EPHB2: variants seen among roughly 807,000 people sequenced by gnomAD.
EPHB2 encodes the protein ephrin type-B receptor 2.
A neutral mutation model predicts 96.4 loss-of-function variants in EPHB2; 18 were observed. That is an observed-to-expected ratio of 0.19 (90% CI 0.13 to 0.28). The LOEUF (loss-of-function observed/expected upper bound fraction) is 0.28, where lower values mean the gene tolerates loss of function less well. Among genes scored for constraint, EPHB2 ranks in the 10% least tolerant of loss-of-function variants. EPHB2 has a pLI of 1.00. For missense variants in EPHB2, 989 were observed against 1,355.4 expected (o/e 0.73, Z 4.25); for synonymous variants, 506 against 534.1 (o/e 0.95, Z 0.72).
At chr1:22,723,871 G>A (rs755762703) in intron 1 of EPHB2, among the ~76,000 whole-genome samples, 1 of 152,194 alleles carries the variant, frequency 6.6e-6, no homozygotes, top group Non-Finnish European at 1.5e-5. Flanking sequence ...AATAATAATA[G>A]TAGTAATAAT....
Position 22,875,955 on chromosome 1 carries a change from G to A in EPHB2, c.1304-6404G>A, listed in dbSNP as rs1638823551. Among the ~76,000 whole-genome samples the A allele has an allele frequency of 6.6e-6, 1 of 152,160 alleles. No individual in the cohort carries two copies. The highest frequency in any genetic ancestry group is 1.5e-5 in the Non-Finnish European group (1 of 68,036). ...AGAAACACCATAGGGCCAAGGCCCTGAGGCAGAACAGAAAGGCTGCCAGTG... is the reference window on the plus strand; with the variant it reads ...AGAAACACCATAGGGCCAAGGCCCTAAGGCAGAACAGAAAGGCTGCCAGTG... On this transcript the variant is annotated intron_variant, in intron 5 of 15. Coordinates refer to ENST00000374630, the MANE Select transcript of EPHB2 (RefSeq NM_017449.5). The surrounding 1 kb of genome is among the most constrained non-coding windows in gnomAD (Gnocchi z 4.2).
chr1:22,867,859 G>A (rs1024041234), intron 5 of EPHB2, among the ~76,000 whole-genome samples: 1 of 152,162 alleles, frequency 6.6e-6, no homozygotes, highest in Non-Finnish European at 1.5e-5. Context: ...ATGACAAAGC[G>A]AGATTCCATC....
intron 1 of EPHB2, among the ~76,000 whole-genome samples, chr1:22,717,209 GGAAA>G (rs142584654): frequency 0.011 from 1,743 of 152,136 alleles, 37 homozygotes; most frequent in African/African-American, 0.039. Flanking sequence ...AGGCAGGGAA[GGAAA>G]GAATGTTTGC....
At chr1:22,829,462 T>C (rs1336648111) in intron 3 of EPHB2, among the ~76,000 whole-genome samples, 1 of 152,194 alleles carries the variant, frequency 6.6e-6, no homozygotes, top group Non-Finnish European at 1.5e-5. Context: ...TGTAAGACCA[T>C]GGGTGCGTGG....
At chr1:22,892,690 C>G in intron 6 of EPHB2, 194 bp from the exon 7 acceptor site, 2 of 769,052 alleles carry the variant, frequency 2.6e-6, no homozygotes, top group Admixed American at 3.6e-5. Flanking sequence ...TATACTCTGC[C>G]TACCTTTGTG....
At chr1:22,904,284 A>G (rs1222869232) in intron 9 of EPHB2, among the ~76,000 whole-genome samples, 1 of 127,412 alleles carries the variant, frequency 7.8e-6, no homozygotes, top group Non-Finnish European at 1.6e-5. Flanking sequence ...CAGAGCAAGA[A>G]CCTGTCTCAA....
chr1:22,808,579 G>A lies in EPHB2; in HGVS notation c.811+23503G>A, dbSNP rs1644960896. Among the ~76,000 whole-genome samples the A allele has an allele frequency of 2.0e-5, 3 of 152,224 alleles. No individual in the cohort carries two copies. The South Asian group carries it at 6.2e-4, about 32-fold the overall frequency. On this transcript the variant is annotated intron_variant, in intron 3 of 15. Transcript: ENST00000374630. The stretch of plus-strand genomic sequence containing the variant: ...GAGTCAAGTCCAATGCTCACATTTT[G>A]CAGATGAGAACATCCAAATAGTATG...
rs1287463100 is a variant in EPHB2, at chr1:22,861,987, C to G, written c.812-1050C>G. 2.0e-5 allele frequency among the ~76,000 whole-genome samples: 3 copies of G among 152,312 alleles called. 1 individual carries two copies. Among genetic ancestry groups the G allele is most frequent in the African/African-American group, 7.2e-5 (3 of 41,566 alleles). ...TGTTTGTTGCAAAGCTGTTTCCTGT[C>G]CACCCACTTACCCATTGCACAATCT... On this transcript the variant is annotated intron_variant, in intron 3 of 15. Transcript: ENST00000374630.
chr1:22,748,525 G>A (rs768192178), intron 1 of EPHB2, among the ~76,000 whole-genome samples: 2 of 151,826 alleles, frequency 1.3e-5, no homozygotes, highest in Non-Finnish European at 2.9e-5. Flanking sequence ...GGGATTACAG[G>A]TGCACACCAT....
intron 3 of EPHB2, among the ~76,000 whole-genome samples, chr1:22,819,205 G>GTCTCCCTCTCTC (rs1645115970): frequency 9.7e-6 from 1 of 103,394 alleles, no homozygotes; most frequent in Non-Finnish European, 1.9e-5. Context: ...CCCAGCAGAT[G>GTCTCCCTCTCTC]TCTCTCTCTC....
At position 22,775,286 on chromosome 1, in the gene EPHB2, T is replaced by A. The variant is rs373636565; in HGVS notation, c.62-6135T>A. Reference sequence around the variant, plus strand: ...GGCCTCAGTTTCCTCGTCTGTGAAATGGGGTTAATAATAGTATATACTTCT... The same window carrying A: ...GGCCTCAGTTTCCTCGTCTGTGAAAAGGGGTTAATAATAGTATATACTTCT... On this transcript the variant is annotated intron_variant, in intron 1 of 15. Transcript: ENST00000374630. 1.0e-5 allele frequency: 8 copies of A among 779,080 alleles called. No individual in the cohort carries two copies. The African/African-American group carries it at 1.4e-4, about 13-fold the overall frequency. 48.3% of individuals were successfully genotyped at this position (779,080 alleles called of 1,614,324 possible). A position where few individuals can be genotyped will look rare whatever the true frequency, so the allele number is the denominator to read the frequency against.
At chr1:22,883,968 G>A (rs1176399264) in intron 6 of EPHB2, among the ~76,000 whole-genome samples, 5 of 151,950 alleles carry the variant, frequency 3.3e-5, no homozygotes, top group East Asian at 1.9e-4. Flanking sequence ...CATGCCTGCC[G>A]TCCCCCCACC....
At chr1:22,749,014 C>T (rs1644020234) in intron 1 of EPHB2, among the ~76,000 whole-genome samples, 1 of 146,604 alleles carries the variant, frequency 6.8e-6, no homozygotes, top group Non-Finnish European at 1.5e-5. Flanking sequence ...TTCCTTTTTA[C>T]TTTGTGGCTT....
Position 22,865,076 on chromosome 1 carries a change from C to G in EPHB2, c.1167C>G (p.Thr389=), listed in dbSNP as rs529601879. The G allele has an allele frequency of 6.2e-7, 1 of 1,614,196 alleles. No homozygotes were observed. The highest frequency in any genetic ancestry group is 1.1e-5 in the South Asian group (1 of 91,084). Residue 389 remains threonine, a synonymous_variant, in exon 5 of 16, where the codon ACC becomes ACG. Coordinates refer to ENST00000374630, the MANE Select transcript of EPHB2 (RefSeq NM_017449.5). ...ACGCACCACGCCAGCTAGGCCTGAC[C>G]GAGCCACGCATTTACATCAGTGACC... ...VQYAPRQLGL[T]EPRIYISDLL...
intron 3 of EPHB2, chr1:22,835,918 G>C (rs555292993): frequency 6.6e-6 from 1 of 152,118 alleles, no homozygotes; most frequent in South Asian, 2.1e-4. Flanking sequence ...TTAATCCCTC[G>C]TCATGTCTGT....
intron 1 of EPHB2, among the ~76,000 whole-genome samples, chr1:22,722,145 A>G (rs1264319601): frequency 1.4e-5 from 2 of 145,038 alleles, no homozygotes; most frequent in African/African-American, 5.0e-5. Flanking sequence ...ACAGGCACCT[A>G]CCACCATGCC....
chr1:22,789,270 AT>A (rs1474741452), intron 3 of EPHB2, among the ~76,000 whole-genome samples: 1 of 152,254 alleles, frequency 6.6e-6, no homozygotes, highest in Non-Finnish European at 1.5e-5. Context: ...GAAAAGATGC[AT>A]TTAATATTGA....
intron 6 of EPHB2, among the ~76,000 whole-genome samples, chr1:22,887,648 G>A (rs910689941): frequency 1.3e-5 from 2 of 152,274 alleles, no homozygotes; most frequent in South Asian, 2.1e-4. Context: ...GGCTGCTTCC[G>A]TCAGTTCCAA....
intron 1 of EPHB2, among the ~76,000 whole-genome samples, chr1:22,750,021 C>T (rs910250646): frequency 2.0e-5 from 3 of 152,174 alleles, no homozygotes; most frequent in South Asian, 2.1e-4. Flanking sequence ...CCTTAACCTG[C>T]ATTATCTCAT....
Sources: gnomAD v4.1 joint callset for allele counts (sites outside exome capture counted in the v4.1 genomes callset) on GRCh38, gnomAD v4.1.1 for gene constraint, Gnocchi (gnomAD v3.1) non-coding constraint, MANE v1.5 for transcripts, NCBI Gene and HGNC (gene_info 2026-07-23, HGNC 2026-07-21) for gene names.